Variants in CCL2 observed in about 807,000 individuals in gnomAD.
The protein encoded by CCL2 is C-C motif chemokine 2.
A neutral mutation model predicts 6.7 loss-of-function variants in CCL2; 2 were observed. That is an observed-to-expected ratio of 0.30 (90% CI 0.12 to 0.94). The LOEUF (loss-of-function observed/expected upper bound fraction) is 0.94, where lower values mean the gene tolerates loss of function less well. CCL2 is among the 40% of genes least tolerant of loss of function. The pLI is 0.54. For missense variants in CCL2, 89 were observed against 119.3 expected, an observed-to-expected ratio of 0.75 and a Z score of 1.18; for synonymous variants, 43 against 45.2, an observed-to-expected ratio of 0.95 and a Z score of 0.19.
Position 34,256,877 on chromosome 17 carries a change from C to A in CCL2, c.*50C>A. 8.4e-7 allele frequency: 1 copy of A among 1,186,324 alleles called. No homozygotes were observed. Among genetic ancestry groups the A allele is most frequent in the Non-Finnish European group, 1.3e-6 (1 of 798,674 alleles). The allele number at this position is 1,186,324 out of a possible 1,614,324, so 73.5% of individuals were successfully genotyped here. The stretch of plus-strand genomic sequence containing the variant: ...CTGCAGCTAACTTATTTTCCCCTAG[C>A]TTTCCCCAGACACCCTGTTTTATTT... On this transcript the variant is annotated 3_prime_UTR_variant, in exon 3 of 3. Coordinates refer to ENST00000225831, the MANE Select transcript of CCL2 (RefSeq NM_002982.4).
intron 1 of CCL2, 68 bp downstream of exon 1, chr17:34,255,493 C>A (rs1907658372): frequency 2.2e-6 from 3 of 1,344,674 alleles, no homozygotes; most frequent in South Asian, 1.2e-5. Context: ...ACCATCCAAG[C>A]AGACGTGGTA....
At chr17:34,256,097 A>T in intron 1 of CCL2, 125 bp from the exon 2 acceptor site, 1 of 670,436 alleles carries the variant, frequency 1.5e-6, no homozygotes, top group Non-Finnish European at 2.7e-6. Context: ...AAGCACTGGG[A>T]TTTAATGAGC....
At chr17:34,256,479 G>A in intron 2 of CCL2, 140 bp downstream of exon 2, 1 of 666,438 alleles carries the variant, frequency 1.5e-6, no homozygotes, top group South Asian at 1.9e-5. Context: ...GAGGCACCAA[G>A]GGAAAAAGTG....
Position 34,255,345 on chromosome 17 carries a change from C to T in CCL2, c.-5C>T, listed in dbSNP as rs1201643412. 3 of 1,613,676 alleles carry T rather than the reference C, an allele frequency of 1.9e-6. No individual in the cohort carries two copies. The highest frequency in any genetic ancestry group is 2.5e-6 in the Non-Finnish European group (3 of 1,179,772). ...CAAACTGAAGCTCGCACTCTCGCCTCCAGCATGAAAGTCTCTGCCGCCCTT... is the reference window on the plus strand; with the variant it reads ...CAAACTGAAGCTCGCACTCTCGCCTTCAGCATGAAAGTCTCTGCCGCCCTT... On this transcript the variant is annotated 5_prime_UTR_variant, in exon 1 of 3. Coordinates refer to ENST00000225831, the MANE Select transcript of CCL2 (RefSeq NM_002982.4).
intron 1 of CCL2, 198 bp downstream of exon 1, chr17:34,255,623 C>A: frequency 1.8e-6 from 1 of 550,048 alleles, no homozygotes; most frequent in Non-Finnish European, 3.2e-6. Context: ...CAGCTGTGAA[C>A]CCCAAATCCA....
intron 1 of CCL2, 152 bp downstream of exon 1, chr17:34,255,577 C>T: frequency 3.3e-6 from 2 of 608,430 alleles, no homozygotes; most frequent in Non-Finnish European, 5.7e-6. Context: ...AGCCCAACCA[C>T]ACAGCTGCTG....
intron 1 of CCL2, chr17:34,255,728 A>T: frequency 2.7e-6 from 1 of 376,214 alleles, no homozygotes; most frequent in Non-Finnish European, 4.8e-6. Context: ...AATCAAAGAG[A>T]GGGTGGGTGT....
intron 1 of CCL2, 78 bp from the exon 2 acceptor site, chr17:34,256,144 C>T: frequency 1.0e-6 from 1 of 1,000,846 alleles, no homozygotes; most frequent in Non-Finnish European, 1.5e-6. Context: ...GCTTTTTCCT[C>T]ATGACTCTTT....
intron 2 of CCL2, 31 bp from the exon 3 acceptor site, chr17:34,256,691 C>G (rs1907696414): frequency 6.7e-7 from 1 of 1,497,352 alleles, no homozygotes; most frequent in Non-Finnish European, 9.3e-7. Context: ...TGCAAAGGAA[C>G]TTCATCTAAC....
Position 34,256,996 on chromosome 17 carries a change from A to G in CCL2, c.*169A>G. 1.9e-6 allele frequency: 1 copy of G among 530,276 alleles called. No homozygotes were observed. The highest frequency in any genetic ancestry group is 3.4e-6 in the Non-Finnish European group (1 of 293,590). 32.8% of individuals were successfully genotyped at this position (530,276 alleles called of 1,614,324 possible). ...TATTGATGTTTTAAGTTTATCTTTC[A>G]TGGTACTAGTGTTTTTTAGATACAG... On this transcript the variant is annotated 3_prime_UTR_variant, in exon 3 of 3. Transcript: ENST00000225831.
chr17:34,256,411 C>T (rs750326048), intron 2 of CCL2, 72 bp downstream of exon 2: 26 of 1,033,590 alleles, frequency 2.5e-5, no homozygotes, highest in Non-Finnish European at 3.5e-5. Flanking sequence ...CCTCATAAAC[C>T]TAGAGTCAGA....
intron 1 of CCL2, 21 bp from the exon 2 acceptor site, chr17:34,256,201 T>A (rs1224205320): frequency 6.6e-7 from 1 of 1,521,508 alleles, no homozygotes; most frequent in Non-Finnish European, 9.1e-7. Context: ...AAATGCTTTT[T>A]CTTTGTGGTT....
Position 34,255,412 on chromosome 17 carries a change from G to A in CCL2, c.63G>A (p.Gly21=). Residue 21 remains glycine (G), a synonymous_variant, in exon 1 of 3, where the codon GGG becomes GGA. Coordinates refer to ENST00000225831, the MANE Select transcript of CCL2 (RefSeq NM_002982.4). ...TAGCAGCCACCTTCATTCCCCAAGGGCTCGCTCAGCCAGGTAAGGCCCCCT... is the reference window on the plus strand; with the variant it reads ...TAGCAGCCACCTTCATTCCCCAAGGACTCGCTCAGCCAGGTAAGGCCCCCT... The part of the protein sequence containing the change: ...LLIAATFIPQ[G]LAQPDAINAP... The A allele has an allele frequency of 6.2e-7, 1 of 1,613,766 alleles. No individual in the cohort carries two copies. Among genetic ancestry groups the A allele is most frequent in the Non-Finnish European group, 8.5e-7 (1 of 1,179,840 alleles).
rs756136784 is a variant in CCL2, at chr17:34,256,757, A to G, written c.230A>G (p.Asp77Gly). The G allele has an allele frequency of 1.9e-6, 3 of 1,613,686 alleles. No individual in the cohort carries two copies. The highest frequency in any genetic ancestry group is 3.3e-5 in the Admixed American group (2 of 59,968). The part of the protein sequence containing the change: ...KTIVAKEICA[D>G]PKQKWVQDSM... ...ATTGTGGCCAAGGAGATCTGTGCTG[A>G]CCCCAAGCAGAAGTGGGTTCAGGAT... Residue 77 changes from aspartate to glycine, a missense_variant, in exon 3 of 3, where the codon GAC becomes GGC. By Grantham distance (94) the Asp-to-Gly change is moderately conservative. Coordinates refer to ENST00000225831, the MANE Select transcript of CCL2 (RefSeq NM_002982.4).
intron 2 of CCL2, 99 bp downstream of exon 2, chr17:34,256,438 T>C: frequency 4.8e-6 from 4 of 831,648 alleles, no homozygotes; most frequent in Non-Finnish European, 8.0e-6. Context: ...ACTATTTAAC[T>C]TAATGTACAA....
chr17:34,256,388 A>G, intron 2 of CCL2, 49 bp downstream of exon 2: 1 of 1,211,876 alleles, frequency 8.3e-7, no homozygotes. Context: ...TTCCTTGTGG[A>G]GCAAGGGACA....
Position 34,256,208 on chromosome 17 carries a change from G to T in CCL2, c.77-14G>T, listed in dbSNP as rs1405525701. 6.5e-7 allele frequency: 1 copy of T among 1,543,206 alleles called. No individual in the cohort carries two copies. Among genetic ancestry groups the T allele is most frequent in the Non-Finnish European group, 8.9e-7 (1 of 1,118,284 alleles). On this transcript the variant is annotated splice_polypyrimidine_tract_variant and intron_variant, in intron 1 of 2. Transcript: ENST00000225831. Reference sequence around the variant, plus strand: ...TCATCCTAAAATGCTTTTTCTTTGTGGTTTATTTTCCAGATGCAATCAATG... The same window carrying T: ...TCATCCTAAAATGCTTTTTCTTTGTTGTTTATTTTCCAGATGCAATCAATG...
At chr17:34,256,487 G>A in intron 2 of CCL2, 148 bp downstream of exon 2, 1 of 655,398 alleles carries the variant, frequency 1.5e-6, no homozygotes, top group East Asian at 2.6e-5. Flanking sequence ...AAGGGAAAAA[G>A]TGAACCCCAA....
rs1567641119 is a variant in CCL2 at position 34,256,865 on chromosome 17, A to G, written c.*38A>G. 7 of 1,337,520 alleles carry G rather than the reference A, an allele frequency of 5.2e-6. No individual in the cohort carries two copies. Among genetic ancestry groups the G allele is most frequent in the Non-Finnish European group, 7.5e-6 (7 of 933,700 alleles). The allele number at this position is 1,337,520 out of a possible 1,614,324, so 82.9% of individuals were successfully genotyped here. A position where few individuals can be genotyped will look rare whatever the true frequency, so the allele number is the denominator to read the frequency against. ...CAACCCAAGAATCTGCAGCTAACTTATTTTCCCCTAGCTTTCCCCAGACAC... is the reference window on the plus strand; with the variant it reads ...CAACCCAAGAATCTGCAGCTAACTTGTTTTCCCCTAGCTTTCCCCAGACAC... On this transcript the variant is annotated 3_prime_UTR_variant, in exon 3 of 3. Transcript: ENST00000225831.
Sources: gnomAD v4.1 joint callset for allele counts on GRCh38, gnomAD v4.1.1 for gene constraint, MANE v1.5 for transcripts, NCBI Gene and HGNC (gene_info 2026-07-23, HGNC 2026-07-21) for gene names.